Variants in RASAL2 observed in about 807,000 individuals in gnomAD.
RASAL2 encodes RAS protein activator like 2, also known as ras GTPase-activating protein nGAP.
In RASAL2, 58 loss-of-function variants were observed where a neutral mutation model predicts 128.9. That is an observed-to-expected ratio of 0.45 (90% CI 0.36 to 0.56). The LOEUF (loss-of-function observed/expected upper bound fraction) is 0.56. Ranked by LOEUF, RASAL2 falls within the 20% of genes least tolerant of loss-of-function variation. The pLI, the probability that RASAL2 is intolerant of heterozygous loss-of-function variation, is 0.00. For missense variants in RASAL2, 1,360 were observed against 1,601.6 expected (o/e 0.85, Z 2.57); for synonymous variants, 561 against 580.8 (o/e 0.97, Z 0.49).
intron 1 of RASAL2, among the ~76,000 whole-genome samples, chr1:178,212,630 T>C (rs943881466): frequency 2.0e-5 from 3 of 152,120 alleles, no homozygotes; most frequent in African/African-American, 7.2e-5. Context: ...TAGGTGGGAC[T>C]ACAGGTATGC....
intron 1 of RASAL2, among the ~76,000 whole-genome samples, chr1:178,153,551 G>A (rs1190251500): frequency 6.6e-6 from 1 of 152,030 alleles, no homozygotes; most frequent in Non-Finnish European, 1.5e-5. Context: ...TAATATAAAC[G>A]GAATCATACA....
intron 3 of RASAL2, among the ~76,000 whole-genome samples, chr1:178,368,417 A>G (rs1671521500): frequency 6.6e-6 from 1 of 152,190 alleles, no homozygotes; most frequent in East Asian, 1.9e-4. Context: ...GTATATGCAT[A>G]TATACAGACA....
intron 14 of RASAL2, among the ~76,000 whole-genome samples, chr1:178,463,337 A>G (rs1029605522): frequency 6.6e-6 from 1 of 152,202 alleles, no homozygotes; most frequent in Non-Finnish European, 1.5e-5. Context: ...CTAATGTTCA[A>G]TAGCCTAATA....
intron 1 of RASAL2, among the ~76,000 whole-genome samples, chr1:178,102,494 C>T (rs1658941087): frequency 6.6e-6 from 1 of 152,088 alleles, no homozygotes; most frequent in Admixed American, 6.6e-5. Flanking sequence ...ATAACTGGGA[C>T]TACAGGAGTG....
intron 3 of RASAL2, among the ~76,000 whole-genome samples, chr1:178,302,211 T>C (rs1322295716): frequency 6.6e-6 from 1 of 152,230 alleles, no homozygotes; most frequent in African/African-American, 2.4e-5. Flanking sequence ...TTGCTGTATA[T>C]GTAACATTCT....
intron 1 of RASAL2, among the ~76,000 whole-genome samples, chr1:178,217,913 T>C (rs988295034): frequency 6.6e-6 from 1 of 152,062 alleles, no homozygotes; most frequent in Admixed American, 6.6e-5. Flanking sequence ...CCCACAGAAT[T>C]TCTTTCCAAA....
intron 1 of RASAL2, among the ~76,000 whole-genome samples, chr1:178,152,364 C>T (rs1238451723): frequency 1.3e-5 from 2 of 152,158 alleles, no homozygotes; most frequent in Non-Finnish European, 2.9e-5. Context: ...GGTTGTATCT[C>T]TTATAATAAA....
At chr1:178,308,861 C>T (rs1668114876) in intron 3 of RASAL2, among the ~76,000 whole-genome samples, 1 of 151,984 alleles carries the variant, frequency 6.6e-6, no homozygotes, top group African/African-American at 2.4e-5. Context: ...TTTTTATTCC[C>T]AAGACATTGT....
rs2102049578 is a variant in RASAL2, at chr1:178,240,475, TTC to T, written c.203-43087_203-43086del. Reference sequence around the variant, plus strand: ...TTTCTTATTTTTATCCAGTTTTTTTTTCTTAGCCTTAGACTTTATTTTAAATA... The same window carrying T: ...TTTCTTATTTTTATCCAGTTTTTTTTTTAGCCTTAGACTTTATTTTAAATA... On this transcript the variant is annotated intron_variant, in intron 1 of 17. Transcript: ENST00000367649. Among the ~76,000 whole-genome samples, 2 of 152,128 alleles carry T rather than the reference TTC, an allele frequency of 1.3e-5. 1 individual carries two copies. Among genetic ancestry groups the T allele is most frequent in the South Asian group, 4.1e-4 (2 of 4,824 alleles).
intron 1 of RASAL2, among the ~76,000 whole-genome samples, chr1:178,215,414 C>T (rs1159554357): frequency 2.0e-5 from 3 of 152,188 alleles, no homozygotes; most frequent in African/African-American, 7.2e-5. Flanking sequence ...AGTGGGAAGT[C>T]CTAGGGGATG....
chr1:178,351,844 G>A (rs1571909571), intron 3 of RASAL2, among the ~76,000 whole-genome samples: 1 of 152,006 alleles, frequency 6.6e-6, no homozygotes, highest in Non-Finnish European at 1.5e-5. Context: ...ACCCAGCAGA[G>A]CAGCCATTAG....
chr1:178,242,459 CTCTCTCTCTCTCTCTCTCTCTCTT>C lies in RASAL2; in HGVS notation c.203-41102_203-41079del, dbSNP rs1282136280. Among the ~76,000 whole-genome samples the C allele has an allele frequency of 2.5e-3, 283 of 114,328 alleles. 2 individuals carry two copies. Among genetic ancestry groups the C allele is most frequent in the African/African-American group, 0.01 (272 of 26,042 alleles). The allele number at this position is 114,328 out of a possible 152,430, so 75.0% of individuals were successfully genotyped here. On this transcript the variant is annotated intron_variant, in intron 1 of 17. Transcript: ENST00000367649. ...TCTCTCTCTCTCTCTCTCTCTCTCT[CTCTCTCTCTCTCTCTCTCTCTCTT>C]TCATCTCTCTCTCTTGTCTCTCTCT... is the stretch of plus-strand genomic sequence containing the variant.
intron 3 of RASAL2, among the ~76,000 whole-genome samples, chr1:178,319,685 A>G (rs1379564295): frequency 6.7e-6 from 1 of 150,362 alleles, no homozygotes; most frequent in African/African-American, 2.5e-5. Flanking sequence ...TATTCTAGTT[A>G]TACATTCTTC....
intron 3 of RASAL2, among the ~76,000 whole-genome samples, chr1:178,368,483 A>G (rs1351709369): frequency 6.6e-6 from 1 of 152,160 alleles, no homozygotes; most frequent in Non-Finnish European, 1.5e-5. Flanking sequence ...GTAAGTCACC[A>G]AGCATTCTCC....
At chr1:178,202,894 G>T (rs900358294) in intron 1 of RASAL2, among the ~76,000 whole-genome samples, 2 of 152,216 alleles carry the variant, frequency 1.3e-5, no homozygotes, top group African/African-American at 4.8e-5. Flanking sequence ...AGGGGTGGAG[G>T]TTATGCATGG....
At chr1:178,386,453 A>G (rs1260128628) in intron 3 of RASAL2, among the ~76,000 whole-genome samples, 1 of 152,198 alleles carries the variant, frequency 6.6e-6, no homozygotes, top group Admixed American at 6.5e-5. Context: ...AAAAACATCC[A>G]GATGTTCTCT....
intron 2 of RASAL2, among the ~76,000 whole-genome samples, chr1:178,297,468 G>C (rs570164476): frequency 6.6e-6 from 1 of 151,274 alleles, no homozygotes; most frequent in Admixed American, 6.6e-5. Context: ...TCAGCTGGGC[G>C]TGGTGGCGGG....
chr1:178,105,874 C>T (rs531427531), intron 1 of RASAL2, among the ~76,000 whole-genome samples: 1 of 152,190 alleles, frequency 6.6e-6, no homozygotes, highest in Admixed American at 6.5e-5. Context: ...CGAGGTCTCA[C>T]TGTGTTGCCC....
At chr1:178,367,562 T>C (rs945171132) in intron 3 of RASAL2, among the ~76,000 whole-genome samples, 3 of 152,174 alleles carry the variant, frequency 2.0e-5, no homozygotes, top group African/African-American at 7.2e-5. Flanking sequence ...GTCTAAAATA[T>C]GCTTGGCACA....
Sources: gnomAD v4.1 joint callset for allele counts (sites outside exome capture counted in the v4.1 genomes callset) on GRCh38, gnomAD v4.1.1 for gene constraint, MANE v1.5 for transcripts, NCBI Gene and HGNC (gene_info 2026-07-23, HGNC 2026-07-21) for gene names.